LMNTD1: variants seen among roughly 807,000 people sequenced by gnomAD.
LMNTD1 encodes lamin tail domain-containing protein 1.
A neutral mutation model predicts 50.9 loss-of-function variants in LMNTD1; 35 were observed. The ratio of observed to expected loss-of-function variants is 0.69; its 90% CI spans 0.53 to 0.91. LMNTD1 has a LOEUF of 0.91. LMNTD1 is among the 40% of genes least tolerant of loss of function. The pLI, the probability that LMNTD1 is intolerant of heterozygous loss-of-function variation, is 0.00. For synonymous variants in LMNTD1, 153 were observed against 161.9 expected (o/e 0.94, Z 0.42); for missense variants, 470 against 475.5 (o/e 0.99, Z 0.11).
At chr12:25,605,782 C>T (rs913426812) in intron 1 of LMNTD1, among the ~76,000 whole-genome samples, 2 of 152,162 alleles carry the variant, frequency 1.3e-5, no homozygotes, top group East Asian at 1.9e-4. Context: ...AGTGTGATGC[C>T]TCCAGCTTTG....
At chr12:25,557,042 C>T (rs1592007557), upstream of LMNTD1, among the ~76,000 whole-genome samples, 2 of 152,296 alleles carry the variant, frequency 1.3e-5, no homozygotes, top group South Asian at 2.1e-4. Flanking sequence ...AACACTATGA[C>T]ATGTTCCATT....
rs1939518572 is a variant in LMNTD1 at position 25,503,741 on chromosome 12, T to TA, written c.*18dup. 1.9e-6 allele frequency: 3 copies of TA among 1,551,730 alleles called. No homozygotes were observed. The highest frequency in any genetic ancestry group is 2.7e-6 in the Non-Finnish European group (3 of 1,131,742). On this transcript the variant is annotated 3_prime_UTR_variant, in exon 9 of 10. Transcript: ENST00000458174. ...AATTTGCAATACAGTTACTTACCTT[T>TA]AAAGGTTGAGTTGACTGCTTATTGC...
At chr12:25,603,633 G>C (rs1423189512) in intron 1 of LMNTD1, among the ~76,000 whole-genome samples, 1 of 151,956 alleles carries the variant, frequency 6.6e-6, no homozygotes, top group Non-Finnish European at 1.5e-5. Flanking sequence ...TATTATACTA[G>C]GTCTTATAGG....
At chr12:25,573,030 G>T (rs1459371306) in intron 1 of LMNTD1, among the ~76,000 whole-genome samples, 1 of 151,756 alleles carries the variant, frequency 6.6e-6, no homozygotes, top group East Asian at 1.9e-4. Flanking sequence ...TCCCTCTTCT[G>T]TTTGCACTTT....
intron 2 of LMNTD1, 140 bp downstream of exon 2, chr12:25,552,728 CATT>C: frequency 1.6e-6 from 1 of 622,422 alleles, no homozygotes; most frequent in Non-Finnish European, 2.9e-6. Context: ...TGCTACAGTC[CATT>C]ATTTCTAGAA....
rs1565976250 is a variant in LMNTD1 at position 25,527,691 on chromosome 12, C to CAT, written c.492-737_492-736insAT. Among the ~76,000 whole-genome samples, 10 of 80,240 alleles carry CAT rather than the reference C, an allele frequency of 1.2e-4. 1 individual carries two copies. The highest frequency in any genetic ancestry group is 4.8e-4 in the African/African-American group (10 of 20,848). The allele number at this position is 80,240 out of a possible 152,430, so 52.6% of individuals were successfully genotyped here. A position where few individuals can be genotyped will look rare whatever the true frequency, so the allele number is the denominator to read the frequency against. Reference sequence around the variant, plus strand: ...ATATATATATATATATACACACACACACACACACACACACACACACACACA... The same window carrying CAT: ...ATATATATATATATATACACACACACATACACACACACACACACACACACACA... On this transcript the variant is annotated intron_variant, in intron 4 of 9. Coordinates refer to ENST00000458174, the MANE Select transcript of LMNTD1 (RefSeq NM_001145728.2).
intron 2 of LMNTD1, among the ~76,000 whole-genome samples, chr12:25,552,090 T>G (rs1943780621): frequency 6.6e-6 from 1 of 152,150 alleles, no homozygotes; most frequent in Non-Finnish European, 1.5e-5. Context: ...AAAGTAACAA[T>G]AGCTTTAAAT....
chr12:25,519,975 C>G lies in LMNTD1; in HGVS notation c.899G>C (p.Arg300Pro). ...TGCTGTCCACTGAAACACACGCTTT[C>G]GGAATGTTGGAGATACTACTGAACA... ...NRCSVVSPTF[R>P]KRVFQWTAST... The change falls in exon 7 of 10, where the codon CGA (arginine) becomes CCA (proline). Residue 300 changes from arginine (R) to proline (P), a missense_variant. Transcript: ENST00000458174. The G allele has an allele frequency of 6.2e-7, 1 of 1,613,364 alleles. No individual in the cohort carries two copies. The highest frequency in any genetic ancestry group is 8.5e-7 in the Non-Finnish European group (1 of 1,179,708).
chr12:25,515,921 A>C (rs2136010650), intron 8 of LMNTD1, among the ~76,000 whole-genome samples: 1 of 124,826 alleles, frequency 8.0e-6, no homozygotes, highest in South Asian at 2.9e-4. Context: ...TCCAAGTATA[A>C]TTACTTTTTG....
At chr12:25,486,578 G>A (rs1365152922) in intron 9 of LMNTD1, among the ~76,000 whole-genome samples, 2 of 145,530 alleles carry the variant, frequency 1.4e-5, no homozygotes, top group Admixed American at 7.0e-5. Context: ...TCCCTGTCTT[G>A]TGCCAGTTTT....
At chr12:25,522,901 C>A (rs1010531829) in intron 6 of LMNTD1, among the ~76,000 whole-genome samples, 1 of 152,096 alleles carries the variant, frequency 6.6e-6, no homozygotes, top group African/African-American at 2.4e-5. Context: ...AAACTAAAAG[C>A]CACTTTTATA....
chr12:25,521,749 A>G (rs116188486), intron 6 of LMNTD1, among the ~76,000 whole-genome samples: 3,079 of 152,290 alleles, frequency 0.02, 81 homozygotes, highest in African/African-American at 0.058. Context: ...GTGTGAGTGT[A>G]TCTTATCTGA....
At chr12:25,631,426 C>G (rs1167206046) in intron 1 of LMNTD1, among the ~76,000 whole-genome samples, 1 of 152,176 alleles carries the variant, frequency 6.6e-6, no homozygotes, top group East Asian at 1.9e-4. Context: ...CCAGAACAAG[C>G]ACTGGTATCC....
At chr12:25,605,699 T>G (rs547064127) in intron 1 of LMNTD1, among the ~76,000 whole-genome samples, 154 of 152,312 alleles carry the variant, frequency 1.0e-3, no homozygotes, top group African/African-American at 3.6e-3. Flanking sequence ...TCCATTGGTC[T>G]ATATCTCTGT....
At chr12:25,562,754 C>A (rs1218536996) in intron 1 of LMNTD1, among the ~76,000 whole-genome samples, 3 of 152,204 alleles carry the variant, frequency 2.0e-5, no homozygotes, top group Non-Finnish European at 2.9e-5. Flanking sequence ...TCCATTCTCC[C>A]CGTCACTTTC....
chr12:25,608,196 T>A (rs915457098), intron 1 of LMNTD1, among the ~76,000 whole-genome samples: 2 of 152,198 alleles, frequency 1.3e-5, no homozygotes, highest in African/African-American at 4.8e-5. Flanking sequence ...TAGATCTTCC[T>A]CCATCCCTTT....
intron 9 of LMNTD1, among the ~76,000 whole-genome samples, chr12:25,492,042 T>C (rs1938900434): frequency 6.6e-6 from 1 of 152,166 alleles, no homozygotes; most frequent in African/African-American, 2.4e-5. Flanking sequence ...AGAGTTTACT[T>C]TAGATTTCAA....
intron 9 of LMNTD1, among the ~76,000 whole-genome samples, chr12:25,476,919 C>T (rs1454994032): frequency 1.3e-5 from 2 of 152,084 alleles, no homozygotes; most frequent in Non-Finnish European, 2.9e-5. Flanking sequence ...CAGGACAAAT[C>T]GAATAGATAG....
intron 1 of LMNTD1, among the ~76,000 whole-genome samples, chr12:25,606,565 C>A (rs1452315167): frequency 6.6e-6 from 1 of 152,106 alleles, no homozygotes; most frequent in Non-Finnish European, 1.5e-5. Flanking sequence ...TTGTCACAGG[C>A]CTTTTCTGCA....
Sources: gnomAD v4.1 joint callset for allele counts (sites outside exome capture counted in the v4.1 genomes callset) on GRCh38, gnomAD v4.1.1 for gene constraint, MANE v1.5 for transcripts, NCBI Gene and HGNC (gene_info 2026-07-23, HGNC 2026-07-21) for gene names.